Variants in KLF12 observed in about 807,000 individuals in gnomAD.
KLF12 encodes the protein Krueppel-like factor 12.
In KLF12, 9 loss-of-function variants were observed where a neutral mutation model predicts 37.8. That is an observed-to-expected ratio of 0.24 (90% CI 0.14 to 0.42). The LOEUF (loss-of-function observed/expected upper bound fraction) is 0.42. Among genes scored for constraint, KLF12 ranks in the 10% least tolerant of loss-of-function variants. KLF12 has a pLI of 1.00. For missense variants in KLF12, 411 were observed against 516.0 expected (o/e 0.80, Z 1.97); for synonymous variants, 208 against 202.1 (o/e 1.03, Z -0.25).
chr13:73,867,423 T>C (rs541680495), intron 3 of KLF12, among the ~76,000 whole-genome samples: 1 of 152,006 alleles, frequency 6.6e-6, no homozygotes, highest in South Asian at 2.1e-4. Context: ...TGTATATATA[T>C]ATATATACAC....
the KLF12 span, among the ~76,000 whole-genome samples, chr13:74,219,905 T>C: frequency 1.3e-5 from 2 of 151,876 alleles, no homozygotes; most frequent in Middle Eastern, 3.4e-3. Context: ...GGTGTAAGTT[T>C]CTTTTCTTTT....
the KLF12 span, among the ~76,000 whole-genome samples, chr13:74,149,682 C>T: frequency 6.6e-6 from 1 of 152,194 alleles, no homozygotes; most frequent in Non-Finnish European, 1.5e-5. Context: ...CTTACAACCT[C>T]TCTGCTCAAC....
chr13:73,686,579 C>G lies in KLF12; in HGVS notation c.*8911G>C, dbSNP rs978884029. The G allele has an allele frequency of 1.3e-5, 2 of 152,586 alleles. No individual in the cohort carries two copies. The highest frequency in any genetic ancestry group is 2.9e-5 in the Non-Finnish European group (2 of 68,016). The allele number at this position is 152,586 out of a possible 1,614,324, so 9.5% of individuals were successfully genotyped here. On this transcript the variant is annotated 3_prime_UTR_variant, in exon 8 of 8. Transcript: ENST00000377669. ...ATTCATTTGCAATTAAAATCCTGAA[C>G]AGAAAACCAAATGAAGATTTAAGAA...
intron 3 of KLF12, among the ~76,000 whole-genome samples, chr13:73,881,738 A>T (rs528286238): frequency 2.0e-5 from 3 of 152,236 alleles, no homozygotes; most frequent in African/African-American, 7.2e-5. Flanking sequence ...CCTAATTTAC[A>T]CTGACAAACT....
intron 3 of KLF12, among the ~76,000 whole-genome samples, chr13:73,859,909 CT>C (rs1286728989): frequency 1.3e-5 from 2 of 152,080 alleles, no homozygotes; most frequent in East Asian, 3.9e-4. Flanking sequence ...AATGTAATTT[CT>C]TTTCTTCCTT....
chr13:74,295,836 C>G, the KLF12 span, among the ~76,000 whole-genome samples: 2 of 152,020 alleles, frequency 1.3e-5, no homozygotes, highest in Non-Finnish European at 2.9e-5. Context: ...TATTTTGAGA[C>G]AGGGTCTCAC....
chr13:73,833,493 G>A (rs998854288), intron 4 of KLF12, among the ~76,000 whole-genome samples: 2 of 152,170 alleles, frequency 1.3e-5, no homozygotes, highest in Non-Finnish European at 2.9e-5. Flanking sequence ...CAGCTTGGGG[G>A]ATGGTATTCA....
chr13:74,254,546 G>A, the KLF12 span, among the ~76,000 whole-genome samples: 1 of 152,132 alleles, frequency 6.6e-6, no homozygotes, highest in African/African-American at 2.4e-5. Flanking sequence ...ATATAGCAAA[G>A]CTGGGTTTTG....
chr13:74,241,551 C>A, the KLF12 span, among the ~76,000 whole-genome samples: 11 of 151,986 alleles, frequency 7.2e-5, no homozygotes, highest in Non-Finnish European at 1.3e-4. Context: ...GCCTCGCTGC[C>A]GCTGCTGCCT....
the KLF12 span, among the ~76,000 whole-genome samples, chr13:74,266,227 C>A: frequency 6.6e-6 from 1 of 152,164 alleles, no homozygotes. Context: ...AGTAAATTCT[C>A]AGTCAAGACC....
chr13:73,847,234 G>A (rs1885079346), intron 3 of KLF12, among the ~76,000 whole-genome samples: 1 of 152,112 alleles, frequency 6.6e-6, no homozygotes, highest in East Asian at 1.9e-4. Context: ...TACTATTAGT[G>A]GTGTCAGTCT....
chr13:74,077,521 C>A (rs563743639), intron 1 of KLF12, among the ~76,000 whole-genome samples: 1 of 152,088 alleles, frequency 6.6e-6, no homozygotes, highest in African/African-American at 2.4e-5. Context: ...GTGAATCACT[C>A]AGAGTGATGC....
At chr13:74,191,770 C>G in the KLF12 span, among the ~76,000 whole-genome samples, 1 of 152,092 alleles carries the variant, frequency 6.6e-6, no homozygotes, top group Non-Finnish European at 1.5e-5. Context: ...AAGGCCAATT[C>G]AGGGGGAGGT....
chr13:74,212,409 T>A, the KLF12 span, among the ~76,000 whole-genome samples: 1 of 152,172 alleles, frequency 6.6e-6, no homozygotes, highest in Admixed American at 6.6e-5. Flanking sequence ...GAGTCTAGCA[T>A]GCTTTGGGCA....
At chr13:74,085,416 A>T (rs994925395) in intron 1 of KLF12, among the ~76,000 whole-genome samples, 1 of 152,182 alleles carries the variant, frequency 6.6e-6, no homozygotes, top group Admixed American at 6.5e-5. Context: ...ACCACCATAA[A>T]TGCCCTGCTA....
intron 6 of KLF12, among the ~76,000 whole-genome samples, chr13:73,722,107 T>C (rs1449603664): frequency 6.6e-6 from 1 of 152,180 alleles, no homozygotes; most frequent in East Asian, 1.9e-4. Flanking sequence ...AGGTTTCATA[T>C]TATTTAAAAT....
At chr13:74,288,481 G>A in the KLF12 span, among the ~76,000 whole-genome samples, 1 of 152,140 alleles carries the variant, frequency 6.6e-6, no homozygotes, top group South Asian at 2.1e-4. Flanking sequence ...GGAACAATGC[G>A]GCATTCAGGC....
chr13:73,759,483 C>G (rs1879406701), intron 6 of KLF12, among the ~76,000 whole-genome samples: 1 of 152,166 alleles, frequency 6.6e-6, no homozygotes, highest in Non-Finnish European at 1.5e-5. Context: ...GCAACGTCTT[C>G]ATTAAGCTTC....
intron 3 of KLF12, among the ~76,000 whole-genome samples, chr13:73,904,468 C>CTT (rs1888181265): frequency 1.9e-5 from 1 of 51,284 alleles, no homozygotes; most frequent in Non-Finnish European, 4.3e-5. Flanking sequence ...TTCTTTCTTT[C>CTT]CTTTTTTTTT....
Sources: gnomAD v4.1 joint callset for allele counts (sites outside exome capture counted in the v4.1 genomes callset) on GRCh38, gnomAD v4.1.1 for gene constraint, MANE v1.5 for transcripts, NCBI Gene and HGNC (gene_info 2026-07-23, HGNC 2026-07-21) for gene names.